FGF14: variants seen among roughly 807,000 people sequenced by gnomAD.
The protein encoded by FGF14 is fibroblast growth factor 14.
In FGF14, 5 loss-of-function variants were observed where a neutral mutation model predicts 25.5. The ratio of observed to expected loss-of-function variants is 0.20; its 90% confidence interval spans 0.10 to 0.41. The LOEUF is 0.41. Ranked by LOEUF, FGF14 falls within the 10% of genes least tolerant of loss-of-function variation. The pLI is 1.00. For missense variants in FGF14, 222 were observed against 320.1 expected (o/e 0.69, Z 2.34); for synonymous variants, 138 against 118.3 (o/e 1.17, Z -1.08).
At chr13:102,385,464 T>C (rs993353046) in intron 1 of FGF14, among the ~76,000 whole-genome samples, 2 of 152,186 alleles carry the variant, frequency 1.3e-5, no homozygotes, top group African/African-American at 4.8e-5. Context: ...GAAACAGACA[T>C]ACTTAAAAAT....
At chr13:102,353,512 T>C (rs1161084347) in intron 1 of FGF14, among the ~76,000 whole-genome samples, 1 of 152,178 alleles carries the variant, frequency 6.6e-6, no homozygotes, top group Admixed American at 6.5e-5. Context: ...AGCATTATCT[T>C]CTCCACGGAA....
intron 1 of FGF14, among the ~76,000 whole-genome samples, chr13:101,910,059 C>A (rs1162828724): frequency 2.7e-5 from 4 of 148,180 alleles, no homozygotes; most frequent in Non-Finnish European, 5.9e-5. Flanking sequence ...CACATGGACA[C>A]AGGAAGGGGA....
intron 3 of FGF14, among the ~76,000 whole-genome samples, chr13:101,727,661 A>T (rs1443708115): frequency 3.9e-5 from 6 of 152,102 alleles, no homozygotes; most frequent in African/African-American, 1.4e-4. Context: ...GATGAATAAT[A>T]ATGAATATAA....
chr13:102,291,877 G>A (rs1037594530), intron 1 of FGF14, among the ~76,000 whole-genome samples: 4 of 152,202 alleles, frequency 2.6e-5, no homozygotes, highest in East Asian at 3.9e-4. Flanking sequence ...ACCCCAGGCC[G>A]ACCCTCCTGC....
At chr13:101,868,255 A>G (rs1449148987) in intron 3 of FGF14, 1 of 182,540 alleles carries the variant, frequency 5.5e-6, no homozygotes, top group East Asian at 1.5e-4. Context: ...AATAAATATT[A>G]CCACAAAACA....
intron 1 of FGF14, among the ~76,000 whole-genome samples, chr13:102,049,918 C>G (rs555146031): frequency 6.6e-6 from 1 of 152,202 alleles, no homozygotes; most frequent in African/African-American, 2.4e-5. Context: ...ACCAACCCCA[C>G]TCATGCCTAG....
At chr13:101,749,174 G>T (rs1594115557) in intron 3 of FGF14, among the ~76,000 whole-genome samples, 1 of 152,076 alleles carries the variant, frequency 6.6e-6, no homozygotes, top group South Asian at 2.1e-4. Flanking sequence ...AAGGGAAGTT[G>T]TTTGGTAGGT....
intron 1 of FGF14, among the ~76,000 whole-genome samples, chr13:101,921,963 T>C (rs974137258): frequency 2.0e-5 from 3 of 152,252 alleles, no homozygotes; most frequent in Non-Finnish European, 4.4e-5. Flanking sequence ...AAAATTTCCA[T>C]GTACTTTCCT....
chr13:102,090,505 T>C (rs1595237898), intron 1 of FGF14, among the ~76,000 whole-genome samples: 2 of 152,156 alleles, frequency 1.3e-5, no homozygotes, highest in African/African-American at 4.8e-5. Flanking sequence ...TTTATCAGAG[T>C]AGTTTACTGC....
intron 1 of FGF14, among the ~76,000 whole-genome samples, chr13:102,399,558 G>T (rs899930009): frequency 5.9e-5 from 9 of 152,188 alleles, no homozygotes; most frequent in Admixed American, 1.3e-4. Flanking sequence ...ATGTAAGTTG[G>T]TTTTGTATGA....
In FGF14 at chr13:101,945,693, C is replaced by T. The variant is rs146485543; in HGVS notation, c.209-70397G>A. ...GTCTGCACTCCCACAAAACCAGGGA[C>T]AGCATCCTCATCCCTACCTCCCACT... On this transcript the variant is annotated intron_variant, in intron 1 of 4. Coordinates refer to the FGF14 transcript ENST00000376131. 1.7e-3 allele frequency among the ~76,000 whole-genome samples: 262 copies of T among 152,370 alleles called. 3 individuals are homozygous for T. In the East Asian group the frequency reaches 0.034, roughly 20 times the overall value.
chr13:102,233,114 G>T (rs115099415), intron 1 of FGF14, among the ~76,000 whole-genome samples: 1 of 151,836 alleles, frequency 6.6e-6, no homozygotes, highest in African/African-American at 2.4e-5. Flanking sequence ...ATTCCTCAGC[G>T]TCTAATATGC....
At chr13:102,197,759 A>G (rs77633144) in intron 1 of FGF14, among the ~76,000 whole-genome samples, 27,713 of 152,098 alleles carry the variant, frequency 0.18, 2,681 homozygotes, top group South Asian at 0.24. Flanking sequence ...ATATTATGAT[A>G]AAAGTGTTTT....
chr13:102,322,372 A>G (rs1407428719), intron 1 of FGF14, among the ~76,000 whole-genome samples: 2 of 152,198 alleles, frequency 1.3e-5, no homozygotes, highest in East Asian at 3.9e-4. Context: ...CTGGTGGGAA[A>G]GACCTATTAG....
intron 1 of FGF14, among the ~76,000 whole-genome samples, chr13:102,347,109 T>A (rs1416351278): frequency 2.0e-5 from 3 of 152,184 alleles, no homozygotes; most frequent in African/African-American, 7.2e-5. Flanking sequence ...GTGAGATGCA[T>A]GACCATGGCC....
chr13:102,242,981 T>C (rs1328307437), intron 1 of FGF14, among the ~76,000 whole-genome samples: 1 of 152,118 alleles, frequency 6.6e-6, no homozygotes, highest in Non-Finnish European at 1.5e-5. Flanking sequence ...TTCTTATCAA[T>C]GGAAGTGAGT....
chr13:101,921,474 G>A (rs2139170736), upstream of FGF14, among the ~76,000 whole-genome samples: 1 of 152,236 alleles, frequency 6.6e-6, no homozygotes, highest in South Asian at 2.1e-4. Flanking sequence ...GAAAACTTTA[G>A]TATCATATTA....
At chr13:102,002,979 A>C (rs1207381853) in intron 1 of FGF14, 1 of 152,236 alleles carries the variant, frequency 6.6e-6, no homozygotes, top group African/African-American at 2.4e-5. Context: ...GCTTCCTGAA[A>C]TTAACAGCAA....
At position 102,090,967 on chromosome 13, in the gene FGF14, A is replaced by G. The variant is rs540842626; in HGVS notation, c.209-215671T>C. 4.6e-5 allele frequency among the ~76,000 whole-genome samples: 7 copies of G among 152,352 alleles called. 1 individual carries two copies. Among genetic ancestry groups the G allele is most frequent in the African/African-American group, 1.7e-4 (7 of 41,584 alleles). ...TCTATCATATTTGAAACTCATTTTTATAATAAATATTTGTTAATGTCTCTT... is the reference window on the plus strand; with the variant it reads ...TCTATCATATTTGAAACTCATTTTTGTAATAAATATTTGTTAATGTCTCTT... On this transcript the variant is annotated intron_variant, in intron 1 of 4. Coordinates refer to the FGF14 transcript ENST00000376131.
Sources: allele counts gnomAD v4.1 joint callset (sites outside exome capture counted in the v4.1 genomes callset), GRCh38; gene constraint gnomAD v4.1.1; transcripts MANE v1.5; gene names NCBI Gene and HGNC (gene_info 2026-07-23, HGNC 2026-07-21).